Variants in NCKAP5 observed in about 807,000 individuals in gnomAD.
The protein encoded by NCKAP5 is NCK associated protein 5.
In NCKAP5, 92 loss-of-function variants were observed where a neutral mutation model predicts 167.0. The ratio of observed to expected loss-of-function variants is 0.55; its 90% confidence interval spans 0.47 to 0.66. NCKAP5 has a LOEUF of 0.66. Ranked by LOEUF, NCKAP5 falls within the 30% of genes least tolerant of loss-of-function variation. The pLI, the probability that NCKAP5 is intolerant of heterozygous loss-of-function variation, is 0.00. For synonymous variants in NCKAP5, 891 were observed against 877.4 expected (o/e 1.02, Z -0.27); for missense variants, 2,378 against 2,315.0 (o/e 1.03, Z -0.56).
intron 5 of NCKAP5, among the ~76,000 whole-genome samples, chr2:133,151,187 G>GT (rs1234181611): frequency 2.6e-5 from 4 of 152,026 alleles, no homozygotes; most frequent in Admixed American, 1.3e-4. Flanking sequence ...TCAATAAAAA[G>GT]TTTTTTTAAA....
intron 5 of NCKAP5, among the ~76,000 whole-genome samples, chr2:133,188,692 C>T (rs748896979): frequency 1.9e-4 from 29 of 152,022 alleles, no homozygotes; most frequent in South Asian, 1.2e-3. Flanking sequence ...CTACTGGGTA[C>T]GTAATGAAAT....
chr2:132,741,147 G>A (rs1679151029), intron 16 of NCKAP5, among the ~76,000 whole-genome samples: 1 of 151,916 alleles, frequency 6.6e-6, no homozygotes. Flanking sequence ...ACTCCTTCAT[G>A]TGCTTCTTCT....
At chr2:133,343,563 G>T (rs963592819) in intron 3 of NCKAP5, among the ~76,000 whole-genome samples, 3 of 152,098 alleles carry the variant, frequency 2.0e-5, no homozygotes, top group African/African-American at 7.2e-5. Flanking sequence ...AAACTGAGAT[G>T]GGACTATCAA....
At chr2:133,603,243 T>TTA in the NCKAP5 span, among the ~76,000 whole-genome samples, 1 of 138,378 alleles carries the variant, frequency 7.2e-6, no homozygotes, top group African/African-American at 2.6e-5. Context: ...TTTTTTTTTT[T>TTA]AAGACAGAGT....
chr2:132,973,059 T>C (rs1470704524), intron 7 of NCKAP5, among the ~76,000 whole-genome samples: 3 of 152,288 alleles, frequency 2.0e-5, no homozygotes, highest in African/African-American at 7.2e-5. Flanking sequence ...CCAACTCCAA[T>C]ACTCAGTTCC....
chr2:132,917,504 A>G (rs1378963272), intron 8 of NCKAP5, among the ~76,000 whole-genome samples: 2 of 151,996 alleles, frequency 1.3e-5, no homozygotes, highest in African/African-American at 4.8e-5. Flanking sequence ...AAAACTTGAT[A>G]ACATTTTAGT....
the NCKAP5 span, among the ~76,000 whole-genome samples, chr2:133,628,017 C>A: frequency 2.5e-4 from 38 of 152,268 alleles, no homozygotes; most frequent in Admixed American, 1.0e-3. Context: ...CCATTTATGA[C>A]AAACCCACAA....
At chr2:133,520,616 C>T (rs1229395231) in intron 2 of NCKAP5, among the ~76,000 whole-genome samples, 4 of 152,256 alleles carry the variant, frequency 2.6e-5, no homozygotes, top group Non-Finnish European at 5.9e-5. Flanking sequence ...TTAAAAGCAA[C>T]TCTAGCTACT....
At chr2:132,705,170 T>A (rs2105275643) in intron 19 of NCKAP5, among the ~76,000 whole-genome samples, 1 of 152,252 alleles carries the variant, frequency 6.6e-6, no homozygotes, top group African/African-American at 2.4e-5. Context: ...AGGGAAGCCC[T>A]TCCACTGTTT....
the NCKAP5 span, among the ~76,000 whole-genome samples, chr2:133,615,068 G>A: frequency 7.0e-4 from 105 of 150,606 alleles, 1 homozygote; most frequent in South Asian, 2.1e-3. Context: ...AAGTGAAGGA[G>A]AAATAAAATA....
chr2:133,527,004 A>C (rs987701383), intron 2 of NCKAP5: 1 of 152,150 alleles, frequency 6.6e-6, no homozygotes, highest in Admixed American at 6.5e-5. Flanking sequence ...AAAACATCCA[A>C]ATATGTGGGA....
chr2:133,670,190 T>C, the NCKAP5 span, among the ~76,000 whole-genome samples: 1 of 152,204 alleles, frequency 6.6e-6, no homozygotes, highest in Admixed American at 6.5e-5. Context: ...ATAGAGGTAA[T>C]GCCTGCTGCA....
chr2:133,312,686 T>C (rs955632513), intron 3 of NCKAP5, among the ~76,000 whole-genome samples: 1 of 152,230 alleles, frequency 6.6e-6, no homozygotes, highest in African/African-American at 2.4e-5. Context: ...CCCTAGTCTT[T>C]CTACCTCCCT....
chr2:132,853,956 C>G lies in NCKAP5; in HGVS notation c.807+6536G>C, dbSNP rs939387663. Among the ~76,000 whole-genome samples, 5 of 152,170 alleles carry G rather than the reference C, an allele frequency of 3.3e-5. 1 individual carries two copies. The South Asian group carries it at 1.0e-3, about 31-fold the overall frequency. On this transcript the variant is annotated intron_variant, in intron 11 of 19. Coordinates refer to ENST00000409261, the MANE Select transcript of NCKAP5 (RefSeq NM_207363.3). ...TCTCACTCCCTTCTGCTCTTCCCTC[C>G]CTTGGAGCCACTTCATTTGTGAAAC... is the stretch of plus-strand genomic sequence containing the variant.
intron 3 of NCKAP5, among the ~76,000 whole-genome samples, chr2:133,469,349 T>C (rs1692863249): frequency 6.6e-6 from 1 of 152,058 alleles, no homozygotes; most frequent in African/African-American, 2.4e-5. Context: ...CCCACTCTCT[T>C]CTGGCTTGTA....
intron 4 of NCKAP5, among the ~76,000 whole-genome samples, chr2:133,298,761 G>T (rs570336398): frequency 2.6e-5 from 4 of 151,858 alleles, no homozygotes; most frequent in African/African-American, 4.8e-5. Flanking sequence ...ACATTATACC[G>T]GTTATACAGT....
intron 6 of NCKAP5, among the ~76,000 whole-genome samples, chr2:133,045,550 GTCT>G (rs2079368734): frequency 6.6e-6 from 1 of 151,284 alleles, no homozygotes; most frequent in African/African-American, 2.5e-5. Flanking sequence ...CTTTCCATTA[GTCT>G]TCTTTTATTT....
rs912375421 is a variant in NCKAP5, at chr2:133,470,821, C to G, written c.69+46637G>C. On this transcript the variant is annotated intron_variant, in intron 3 of 19. Transcript: ENST00000409261. ...TTCTTTGACTAGGAAAGGGAACTCC[C>G]TGACCCCTTGCGCTTCCCAAGTGAG... Among the ~76,000 whole-genome samples the G allele has an allele frequency of 5.3e-5, 8 of 152,376 alleles. No individual in the cohort carries two copies. The East Asian group carries it at 1.4e-3, about 26-fold the overall frequency.
intron 2 of NCKAP5, among the ~76,000 whole-genome samples, chr2:133,555,353 A>G (rs1008333921): frequency 6.6e-6 from 1 of 152,164 alleles, no homozygotes; most frequent in Non-Finnish European, 1.5e-5. Flanking sequence ...CAATCTGACT[A>G]TCTGGTCCAC....
Sources: gnomAD v4.1 joint callset for allele counts (sites outside exome capture counted in the v4.1 genomes callset) on GRCh38, gnomAD v4.1.1 for gene constraint, MANE v1.5 for transcripts, NCBI Gene and HGNC (gene_info 2026-07-23, HGNC 2026-07-21) for gene names.